The following ETS1 variants were observed in gnomAD, a reference collection of about 807,000 sequenced individuals.
The protein encoded by ETS1 is protein C-ets-1.
ETS1 carries 15 observed loss-of-function variants against 58.6 expected under a neutral mutation model. That is an observed-to-expected ratio of 0.26 (90% CI 0.17 to 0.39). The LOEUF (loss-of-function observed/expected upper bound fraction) is 0.39. Among genes scored for constraint, ETS1 ranks in the 10% least tolerant of loss-of-function variants. The pLI is 1.00. For missense variants in ETS1, 417 were observed against 610.5 expected, an observed-to-expected ratio of 0.68 and a Z score of 3.34; for synonymous variants, 214 against 218.2, an observed-to-expected ratio of 0.98 and a Z score of 0.17.
At chr11:128,542,003 G>C (rs953010443) in intron 3 of ETS1, among the ~76,000 whole-genome samples, 2 of 152,150 alleles carry the variant, frequency 1.3e-5, no homozygotes, top group Non-Finnish European at 2.9e-5. Flanking sequence ...GCCATCTGCT[G>C]CTTTTCTATC....
chr11:128,551,013 G>A (rs930850312), intron 3 of ETS1, among the ~76,000 whole-genome samples: 1 of 152,042 alleles, frequency 6.6e-6, no homozygotes, highest in Non-Finnish European at 1.5e-5. Flanking sequence ...TATTGTAATC[G>A]TCCAATGTTA....
At position 128,463,110 on chromosome 11, in the gene ETS1, T is replaced by C. The variant is rs1261343568; in HGVS notation, c.1242+399A>G. On this transcript the variant is annotated intron_variant, in intron 9 of 9. Coordinates refer to ENST00000392668, the MANE Select transcript of ETS1 (RefSeq NM_001143820.2). This position sits in a 1 kb window ranked among gnomAD's most constrained non-coding sequence, Gnocchi z 4.1. ...AGAATTGGGCATGGCACGGAACCAC[T>C]ACTCCATAAACATGTGTGTAATGAA... Among the ~76,000 whole-genome samples, 1 of 142,668 alleles carries C rather than the reference T, an allele frequency of 7.0e-6. No homozygotes were observed. The highest frequency in any genetic ancestry group is 1.6e-5 in the Non-Finnish European group (1 of 64,030). 93.6% of individuals were successfully genotyped at this position (142,668 alleles called of 152,430 possible).
rs1591655810 is a variant in ETS1 at position 128,548,801 on chromosome 11, G to T, written c.214+7490C>A. Among the ~76,000 whole-genome samples the T allele has an allele frequency of 4.6e-5, 7 of 152,334 alleles. No homozygotes were observed. In the South Asian group the frequency reaches 1.4e-3, roughly 32 times the overall value. ...CTGCGCCCGCGTTGCTGGCAGCGCCGGGGTTAACCCTCCCGCCCTGCGGAG... is the reference window on the plus strand; with the variant it reads ...CTGCGCCCGCGTTGCTGGCAGCGCCTGGGTTAACCCTCCCGCCCTGCGGAG... On this transcript the variant is annotated intron_variant, in intron 3 of 9. Transcript: ENST00000392668.
In ETS1 at chr11:128,462,486, T is replaced by G; in HGVS notation, c.1333A>C (p.Ile445Leu). Residue 445 changes from isoleucine to leucine, a missense_variant, in exon 10 of 10, where the codon ATC (isoleucine) becomes CTC (leucine). Transcript: ENST00000392668. ...RGLRYYYDKN[I>L]IHKTAGKRYV... Reference sequence around the variant, plus strand: ...CGTTTCCCCGCTGTCTTGTGGATGATGTTTTTGTCGTAATAGTAGCGTAGG... The same window carrying G: ...CGTTTCCCCGCTGTCTTGTGGATGAGGTTTTTGTCGTAATAGTAGCGTAGG... 6.2e-7 allele frequency: 1 copy of G among 1,614,222 alleles called. No individual in the cohort carries two copies. The highest frequency in any genetic ancestry group is 1.1e-5 in the South Asian group (1 of 91,088).
intron 9 of ETS1, 67 bp from the exon 10 acceptor site, chr11:128,462,643 G>A: frequency 1.7e-6 from 2 of 1,205,504 alleles, no homozygotes. Context: ...AAATATATAT[G>A]TTTCTATGCC....
intron 3 of ETS1, among the ~76,000 whole-genome samples, chr11:128,509,066 G>A (rs372398276): frequency 5.9e-5 from 9 of 151,946 alleles, no homozygotes; most frequent in East Asian, 1.9e-4. Flanking sequence ...ATCGCTGTTC[G>A]GTTCACCCAG....
At chr11:128,495,187 A>G (rs1223506349) in intron 3 of ETS1, among the ~76,000 whole-genome samples, 1 of 152,198 alleles carries the variant, frequency 6.6e-6, no homozygotes, top group Non-Finnish European at 1.5e-5. Context: ...CACAAGGCCA[A>G]GAGGGACCAG....
At chr11:128,522,226 C>T (rs1591640067) in intron 3 of ETS1, 4 of 1,211,954 alleles carry the variant, frequency 3.3e-6, no homozygotes, top group Non-Finnish European at 4.1e-6. Context: ...GTCCCAGCCT[C>T]GCCCGCGCCG....
chr11:128,548,339 T>C (rs867314200), intron 3 of ETS1, among the ~76,000 whole-genome samples: 75 of 152,188 alleles, frequency 4.9e-4, no homozygotes, highest in African/African-American at 1.4e-3. Flanking sequence ...CGTTTTTTTT[T>C]TTTTAATTTC....
chr11:128,470,769 G>T (rs1488016753), intron 8 of ETS1, among the ~76,000 whole-genome samples: 1 of 152,084 alleles, frequency 6.6e-6, no homozygotes, highest in Non-Finnish European at 1.5e-5. Context: ...TGGCAACTTT[G>T]AAAAAGTAGA....
At chr11:128,510,001 C>T (rs753041100) in intron 3 of ETS1, among the ~76,000 whole-genome samples, 25 of 152,300 alleles carry the variant, frequency 1.6e-4, no homozygotes, top group Non-Finnish European at 3.4e-4. Context: ...CTCACTCCTC[C>T]AACTGAACTG....
chr11:128,484,735 AG>A, intron 7 of ETS1, 87 bp downstream of exon 7: 2 of 1,269,212 alleles, frequency 1.6e-6, no homozygotes, highest in East Asian at 2.3e-5. Context: ...CTAATAAATA[AG>A]AAAAAAAAAA....
chr11:128,582,647 T>C (rs967923627), intron 1 of ETS1, among the ~76,000 whole-genome samples: 13 of 152,172 alleles, frequency 8.5e-5, no homozygotes, highest in South Asian at 2.1e-4. Context: ...TTCATAATCA[T>C]AGGTTGAGTA....
At chr11:128,510,569 T>C (rs1051216919) in intron 3 of ETS1, among the ~76,000 whole-genome samples, 7 of 152,292 alleles carry the variant, frequency 4.6e-5, no homozygotes, top group African/African-American at 7.2e-5. Flanking sequence ...TGAACCCCAA[T>C]TGGAGGAGGA....
At chr11:128,503,298 C>T (rs1426492434) in intron 3 of ETS1, among the ~76,000 whole-genome samples, 1 of 152,076 alleles carries the variant, frequency 6.6e-6, no homozygotes, top group African/African-American at 2.4e-5. Context: ...AAGCACAGAG[C>T]AGGCACATGC....
intron 1 of ETS1, among the ~76,000 whole-genome samples, chr11:128,580,265 A>G (rs982448263): frequency 3.3e-5 from 5 of 151,874 alleles, no homozygotes; most frequent in Non-Finnish European, 7.4e-5. Flanking sequence ...GTTAACTACA[A>G]GCAAGATGGC....
At chr11:128,521,801 C>G in intron 3 of ETS1, 1 of 777,652 alleles carries the variant, frequency 1.3e-6, no homozygotes, top group Admixed American at 2.8e-5. Context: ...GCATCCCCCG[C>G]TCCTGAAGAA....
intron 7 of ETS1, among the ~76,000 whole-genome samples, chr11:128,484,177 G>T (rs769487786): frequency 3.3e-5 from 5 of 152,042 alleles, no homozygotes; most frequent in Non-Finnish European, 5.9e-5. Flanking sequence ...TATTATAATA[G>T]TCACGTTAAC....
intron 1 of ETS1, among the ~76,000 whole-genome samples, chr11:128,581,032 T>C (rs1040140433): frequency 5.9e-5 from 9 of 152,174 alleles, no homozygotes; most frequent in Admixed American, 1.3e-4. Context: ...TACTATCTCC[T>C]GAAAAAGAGA....
Sources: gnomAD v4.1 joint callset for allele counts (sites outside exome capture counted in the v4.1 genomes callset) on GRCh38, gnomAD v4.1.1 for gene constraint, Gnocchi (gnomAD v3.1) non-coding constraint, MANE v1.5 for transcripts, NCBI Gene and HGNC (gene_info 2026-07-23, HGNC 2026-07-21) for gene names.